Variants in MEI4 observed in about 807,000 individuals in gnomAD.
MEI4 encodes the protein meiosis-specific protein MEI4.
A neutral mutation model predicts 31.4 loss-of-function variants in MEI4; 27 were observed. That is an observed-to-expected ratio of 0.86 (90% confidence interval 0.63 to 1.19). The LOEUF (loss-of-function observed/expected upper bound fraction) is 1.19, where lower values mean the gene tolerates loss of function less well. Among genes scored for constraint, MEI4 ranks in the 50% most tolerant of loss-of-function variants. MEI4 has a pLI of 0.00. For missense variants in MEI4, 329 were observed against 398.9 expected, an observed-to-expected ratio of 0.82 and a Z score of 1.49; for synonymous variants, 122 against 145.4, an observed-to-expected ratio of 0.84 and a Z score of 1.16.
chr6:77,734,224 C>G (rs9767784), intron 2 of MEI4, among the ~76,000 whole-genome samples: 23,065 of 151,764 alleles, frequency 0.15, 2,169 homozygotes, highest in East Asian at 0.4. Context: ...GTTGACAGTG[C>G]GGTGTTAACA....
At chr6:77,826,951 G>C (rs1769966550) in intron 3 of MEI4, among the ~76,000 whole-genome samples, 1 of 152,106 alleles carries the variant, frequency 6.6e-6, no homozygotes, top group South Asian at 2.1e-4. Flanking sequence ...ACTAAGCTTT[G>C]TGAATCCTCT....
chr6:77,905,729 C>T (rs1364179764), intron 4 of MEI4, among the ~76,000 whole-genome samples: 1 of 150,568 alleles, frequency 6.6e-6, no homozygotes, highest in Non-Finnish European at 1.5e-5. Context: ...ATCTCCTGAC[C>T]TTGTGATCTG....
chr6:77,691,943 G>C (rs1444411680), intron 2 of MEI4, among the ~76,000 whole-genome samples: 1 of 151,940 alleles, frequency 6.6e-6, no homozygotes, highest in Non-Finnish European at 1.5e-5. Flanking sequence ...ATCAGGCAGT[G>C]TTATTTCTTT....
At chr6:77,732,312 G>A (rs1424145603) in intron 2 of MEI4, among the ~76,000 whole-genome samples, 1 of 151,904 alleles carries the variant, frequency 6.6e-6, no homozygotes, top group Non-Finnish European at 1.5e-5. Context: ...CTTGAGCAGT[G>A]GTTTGAGGTT....
At chr6:77,734,650 A>G (rs1028011321) in intron 2 of MEI4, among the ~76,000 whole-genome samples, 16 of 151,598 alleles carry the variant, frequency 1.1e-4, no homozygotes, top group African/African-American at 3.9e-4. Flanking sequence ...TAAAGTTAAT[A>G]TTATTATGTG....
At chr6:77,747,623 G>A (rs1412862666) in intron 2 of MEI4, among the ~76,000 whole-genome samples, 3 of 152,116 alleles carry the variant, frequency 2.0e-5, no homozygotes, top group Non-Finnish European at 4.4e-5. Context: ...GGGGATTACA[G>A]TTCAAGATGA....
intron 4 of MEI4, among the ~76,000 whole-genome samples, chr6:77,837,084 C>T (rs964861967): frequency 6.6e-6 from 1 of 152,082 alleles, no homozygotes; most frequent in African/African-American, 2.4e-5. Context: ...TTCCACATCA[C>T]TGAATGCCTT....
intron 2 of MEI4, among the ~76,000 whole-genome samples, chr6:77,731,811 T>C (rs1175594684): frequency 5.9e-5 from 9 of 152,004 alleles, no homozygotes; most frequent in Admixed American, 2.6e-4. Flanking sequence ...TTGTATAAGG[T>C]GTAAGGAAGG....
In MEI4 at chr6:77,681,686, TA is replaced by T. The variant is rs553103776; in HGVS notation, c.-14-8964del. 3.4e-3 allele frequency among the ~76,000 whole-genome samples: 512 copies of T among 151,998 alleles called. 2 individuals carry two copies. Among genetic ancestry groups the T allele is most frequent in the African/African-American group, 0.012 (500 of 41,496 alleles). On this transcript the variant is annotated intron_variant, in intron 1 of 4. Transcript: ENST00000684080. ...GAAATCAAAAGGTGTGGGATGGAAT[TA>T]AAAAAAATAGTGTTAAGAGACCGTA...
intron 2 of MEI4, among the ~76,000 whole-genome samples, chr6:77,692,893 C>T (rs556040299): frequency 6.6e-6 from 1 of 152,042 alleles, no homozygotes; most frequent in Non-Finnish European, 1.5e-5. Flanking sequence ...CAGACACAGA[C>T]TTAGGATCTG....
At chr6:77,698,803 G>C (rs1766126615) in intron 2 of MEI4, among the ~76,000 whole-genome samples, 1 of 152,094 alleles carries the variant, frequency 6.6e-6, no homozygotes, top group Non-Finnish European at 1.5e-5. Flanking sequence ...TCCTGAATCT[G>C]AACGTTGGCC....
intron 4 of MEI4, among the ~76,000 whole-genome samples, chr6:77,845,404 C>T (rs1370293098): frequency 6.6e-6 from 1 of 152,118 alleles, no homozygotes; most frequent in African/African-American, 2.4e-5. Context: ...CTTTCAAATA[C>T]TCTCTAGCAA....
At chr6:77,709,830 A>G (rs1175294979) in intron 2 of MEI4, among the ~76,000 whole-genome samples, 1 of 152,222 alleles carries the variant, frequency 6.6e-6, no homozygotes, top group Non-Finnish European at 1.5e-5. Flanking sequence ...ATAACTCCAA[A>G]GTTACTTCTA....
At chr6:77,779,746 T>C (rs1768546156) in intron 3 of MEI4, among the ~76,000 whole-genome samples, 1 of 152,164 alleles carries the variant, frequency 6.6e-6, no homozygotes, top group Non-Finnish European at 1.5e-5. Flanking sequence ...CTTACTTCTA[T>C]GCTTTAGTTT....
chr6:77,900,025 A>C (rs1356779956), intron 4 of MEI4, among the ~76,000 whole-genome samples: 2 of 151,972 alleles, frequency 1.3e-5, no homozygotes, highest in Non-Finnish European at 2.9e-5. Context: ...CAAAATAGAC[A>C]CATGGAATCA....
At chr6:77,875,526 G>C (rs541750713) in intron 4 of MEI4, among the ~76,000 whole-genome samples, 1 of 152,160 alleles carries the variant, frequency 6.6e-6, no homozygotes, top group Non-Finnish European at 1.5e-5. Flanking sequence ...CTGAAACCTT[G>C]AAATGGATAT....
intron 1 of MEI4, among the ~76,000 whole-genome samples, chr6:77,682,917 A>G (rs949484383): frequency 6.6e-6 from 1 of 152,200 alleles, no homozygotes; most frequent in African/African-American, 2.4e-5. Context: ...AATTTGGGAA[A>G]GCTGATCAGG....
intron 4 of MEI4, among the ~76,000 whole-genome samples, chr6:77,881,685 G>A (rs1771493976): frequency 6.6e-6 from 1 of 151,928 alleles, no homozygotes; most frequent in Non-Finnish European, 1.5e-5. Context: ...CTATTTTTTT[G>A]GATGGCCTAT....
At chr6:77,716,785 C>A (rs759727728) in intron 2 of MEI4, 7 of 604,590 alleles carry the variant, frequency 1.2e-5, no homozygotes, top group Non-Finnish European at 1.5e-5. Flanking sequence ...GAACAGAAAA[C>A]CAAACACTGC....
Sources: allele counts gnomAD v4.1 joint callset (sites outside exome capture counted in the v4.1 genomes callset), GRCh38; gene constraint gnomAD v4.1.1; transcripts MANE v1.5; gene names NCBI Gene and HGNC (gene_info 2026-07-23, HGNC 2026-07-21).